Variants in ZNF34 observed in about 807,000 individuals in gnomAD.
ZNF34 encodes zinc finger protein 34.
Under a neutral mutation model 14.4 loss-of-function variants are expected in ZNF34, and 8 were observed. The ratio of observed to expected loss-of-function variants is 0.55; its 90% CI spans 0.33 to 1.00. The LOEUF is 1.00. Ranked by LOEUF, ZNF34 falls within the 50% of genes least tolerant of loss-of-function variation. The pLI is 0.03. For synonymous variants in ZNF34, 235 were observed against 247.9 expected (o/e 0.95, Z 0.49); for missense variants, 538 against 674.2 (o/e 0.80, Z 2.24).
intron 1 of ZNF34, 143 bp from the exon 2 acceptor site, chr8:144,780,423 A>T: frequency 1.6e-6 from 1 of 631,458 alleles, no homozygotes. Context: ...AAAGTTGACA[A>T]ATCCTGAGTA....
intron 5 of ZNF34, among the ~76,000 whole-genome samples, chr8:144,776,565 C>G (rs1825529610): frequency 6.6e-6 from 1 of 152,078 alleles, no homozygotes; most frequent in African/African-American, 2.4e-5. Flanking sequence ...CCACTGCACT[C>G]CAGCCTGGGT....
Position 144,774,175 on chromosome 8 carries a change from T to C in ZNF34, c.711A>G (p.Lys237=). The C allele has an allele frequency of 1.2e-6, 2 of 1,614,018 alleles. No individual in the cohort carries two copies. The highest frequency in any genetic ancestry group is 1.3e-5 in the African/African-American group (1 of 75,062). The change falls in exon 6 of 6, where the codon AAA becomes AAG. Residue 237 remains lysine (K), a synonymous_variant. Transcript: ENST00000429371. ...KKLHYCSYCG[K]TFRYSANLVK... ...CAAGGTTGGCACTGTACCTGAATGT[T>C]TTCCCACAGTAACTGCAATAATGCA...
In ZNF34 at chr8:144,777,800, G is replaced by A. The variant is rs1049245109; in HGVS notation, c.161-223C>T. Among the ~76,000 whole-genome samples the A allele has an allele frequency of 1.2e-4, 19 of 152,060 alleles. No homozygotes were observed. The highest frequency in any genetic ancestry group is 2.1e-4 in the Non-Finnish European group (14 of 67,976). ...AGGAGGTATGCAACTCCGCCCCCCC[G>A]GTGTCCCCCGCCCTACCAGGGAGGG... is the stretch of plus-strand genomic sequence containing the variant. On this transcript the variant is annotated intron_variant, in intron 4 of 5. Coordinates refer to ENST00000429371, the MANE Select transcript of ZNF34 (RefSeq NM_001286769.2). The surrounding 1 kb of genome is among the most constrained non-coding windows in gnomAD (Gnocchi z 4.8).
At chr8:144,780,997 G>A (rs962984412) in intron 1 of ZNF34, among the ~76,000 whole-genome samples, 1 of 151,134 alleles carries the variant, frequency 6.6e-6, no homozygotes, top group African/African-American at 2.4e-5. Context: ...TTAGCCGGGC[G>A]TGGTGGCGGG....
chr8:144,782,946 AG>A (rs1314204269), intron 1 of ZNF34, among the ~76,000 whole-genome samples: 1 of 148,734 alleles, frequency 6.7e-6, no homozygotes, highest in Non-Finnish European at 1.5e-5. Context: ...GTGTATATTT[AG>A]GGCAATTTGA....
chr8:144,786,229 C>G (rs887070941), intron 1 of ZNF34, among the ~76,000 whole-genome samples: 1 of 151,810 alleles, frequency 6.6e-6, no homozygotes, highest in Non-Finnish European at 1.5e-5. Flanking sequence ...CTAGTGATCC[C>G]CCCCGCGCCT....
At chr8:144,781,373 A>G (rs1003115110) in intron 1 of ZNF34, among the ~76,000 whole-genome samples, 3 of 150,406 alleles carry the variant, frequency 2.0e-5, no homozygotes, top group Non-Finnish European at 4.4e-5. Context: ...GGTTCACGCC[A>G]TTCTCCTGCC....
In ZNF34 at chr8:144,782,318, C is replaced by CACAAAACAAAACAAA. The variant is rs141485254; in HGVS notation, c.-107-2053_-107-2039dup. The stretch of plus-strand genomic sequence containing the variant: ...GCCTGGCCACAGAGTGAGACTCCGA[C>CACAAAACAAAACAAA]ACAAAACAAAACAAAACAAAACTTA... On this transcript the variant is annotated intron_variant, in intron 1 of 5. Coordinates refer to ENST00000429371, the MANE Select transcript of ZNF34 (RefSeq NM_001286769.2). Among the ~76,000 whole-genome samples, 404 of 151,322 alleles carry CACAAAACAAAACAAA rather than the reference C, an allele frequency of 2.7e-3. 4 individuals are homozygous for CACAAAACAAAACAAA. The highest frequency in any genetic ancestry group is 9.3e-3 in the African/African-American group (379 of 40,970).
intron 1 of ZNF34, among the ~76,000 whole-genome samples, chr8:144,781,485 T>C (rs1383250742): frequency 6.6e-6 from 1 of 152,062 alleles, no homozygotes. Context: ...CTTGATCTCC[T>C]GACCTTGTGA....
intron 1 of ZNF34, among the ~76,000 whole-genome samples, chr8:144,786,772 G>A (rs983008966): frequency 1.6e-4 from 25 of 152,054 alleles, no homozygotes; most frequent in African/African-American, 1.2e-4. Flanking sequence ...AGGGTGGGGC[G>A]GAGGGAAGGC....
At chr8:144,774,818 T>C (rs1825404937) in intron 5 of ZNF34, among the ~76,000 whole-genome samples, 1 of 152,160 alleles carries the variant, frequency 6.6e-6, no homozygotes, top group African/African-American at 2.4e-5. Context: ...CCTTCCTTGA[T>C]TTGACACTCA....
At chr8:144,782,318 C>CAGAAAACAAA (rs1554629771) in intron 1 of ZNF34, among the ~76,000 whole-genome samples, 2 of 151,212 alleles carry the variant, frequency 1.3e-5, no homozygotes, top group African/African-American at 4.9e-5. Flanking sequence ...GAGACTCCGA[C>CAGAAAACAAA]ACAAAACAAA....
At position 144,774,008 on chromosome 8, in the gene ZNF34, T is replaced by C; in HGVS notation, c.878A>G (p.Lys293Arg). 1.9e-6 allele frequency: 3 copies of C among 1,614,166 alleles called. No homozygotes were observed. In the South Asian group the frequency reaches 3.3e-5, roughly 18 times the overall value. ...EIPYRCDECG[K>R]TFTRRPNLMK... The stretch of plus-strand genomic sequence containing the variant: ...GAGGTTGGGCCTCCGGGTGAATGTC[T>C]TCCCACACTCGTCACACCGGTAGGG... The change falls in exon 6 of 6, where the codon AAG (lysine) becomes AGG (arginine). Residue 293 changes from lysine (K) to arginine (R), a missense_variant. This residue lies in a region of ZNF34 where 431 missense variants were observed against 525.7 expected (regional missense o/e 0.82). Coordinates refer to ENST00000429371, the MANE Select transcript of ZNF34 (RefSeq NM_001286769.2).
At chr8:144,774,820 T>C (rs139294940) in intron 5 of ZNF34, among the ~76,000 whole-genome samples, 4 of 152,278 alleles carry the variant, frequency 2.6e-5, no homozygotes, top group Non-Finnish European at 5.9e-5. Context: ...TTCCTTGATT[T>C]GACACTCACA....
chr8:144,777,529 C>T lies in ZNF34; in HGVS notation c.209G>A (p.Arg70Gln), dbSNP rs1233602357. 47 of 1,554,090 alleles carry T rather than the reference C, an allele frequency of 3.0e-5. No individual in the cohort carries two copies. The highest frequency in any genetic ancestry group is 3.4e-5 in the Non-Finnish European group (39 of 1,148,454). Residue 70 changes from arginine (R) to glutamine (Q), a missense_variant, in exon 5 of 6, where the codon CGA becomes CAA. Physicochemically the swap from Arg to Gln is conservative, Grantham distance 43. Coordinates refer to ENST00000429371, the MANE Select transcript of ZNF34 (RefSeq NM_001286769.2). The surrounding 1 kb of genome is among the most constrained non-coding windows in gnomAD (Gnocchi z 4.8). Reference sequence around the variant, plus strand: ...ATCCAGGACCCAGGGCTCATCCCCTCGCTCCAACTGCGAGATCACTCCAGG... The same window carrying T: ...ATCCAGGACCCAGGGCTCATCCCCTTGCTCCAACTGCGAGATCACTCCAGG... Reference protein sequence around the residue: ...PKPGVISQLERGDEPWVLDVQ... With the variant: ...PKPGVISQLEQGDEPWVLDVQ...
chr8:144,784,121 C>T (rs1826074761), intron 1 of ZNF34, among the ~76,000 whole-genome samples: 1 of 151,064 alleles, frequency 6.6e-6, no homozygotes, highest in Non-Finnish European at 1.5e-5. Context: ...GATCACACCA[C>T]TGCACTCCAT....
At chr8:144,780,687 G>A (rs910214172) in intron 1 of ZNF34, among the ~76,000 whole-genome samples, 28 of 152,124 alleles carry the variant, frequency 1.8e-4, no homozygotes, top group African/African-American at 6.5e-4. Flanking sequence ...TACTCAGGAG[G>A]CTGAGGCAGG....
chr8:144,775,149 T>A (rs528656687), intron 5 of ZNF34, among the ~76,000 whole-genome samples: 1 of 152,230 alleles, frequency 6.6e-6, no homozygotes, highest in African/African-American at 2.4e-5. Context: ...GCCACTTTCA[T>A]TACTGCTCTC....
chr8:144,776,141 G>A (rs556188314), intron 5 of ZNF34, among the ~76,000 whole-genome samples: 13 of 151,970 alleles, frequency 8.6e-5, no homozygotes, highest in African/African-American at 2.7e-4. Flanking sequence ...GTGTAACCCC[G>A]TCTCTATTAA....
Sources: allele counts gnomAD v4.1 joint callset (sites outside exome capture counted in the v4.1 genomes callset), GRCh38; gene constraint gnomAD v4.1.1; regional missense constraint gnomAD v4.1.1; non-coding constraint Gnocchi (gnomAD v3.1); transcripts MANE v1.5; gene names NCBI Gene and HGNC (gene_info 2026-07-23, HGNC 2026-07-21).